The following ING2 variants were observed in gnomAD, a reference collection of about 807,000 sequenced individuals.
ING2 encodes the protein inhibitor of growth protein 2.
A neutral mutation model predicts 30.6 loss-of-function variants in ING2; 7 were observed. The observed-to-expected ratio is 0.23, with a 90% CI of 0.13 to 0.43. The LOEUF (loss-of-function observed/expected upper bound fraction) is 0.43. Among genes scored for constraint, ING2 ranks in the 20% least tolerant of loss-of-function variants. The probability of loss-of-function intolerance (pLI) is 1.00; values close to 1 mark genes in which losing one functional copy is unlikely to be tolerated. For missense variants in ING2, 239 were observed against 334.9 expected, an observed-to-expected ratio of 0.71 and a Z score of 2.24; for synonymous variants, 136 against 121.7, an observed-to-expected ratio of 1.12 and a Z score of -0.78.
rs750244453 is a variant in ING2 at position 183,505,315 on chromosome 4, C to A, written c.120C>A (p.His40Gln). The A allele has an allele frequency of 1.0e-5, 16 of 1,555,562 alleles. No individual in the cohort carries two copies. The South Asian group carries it at 1.8e-4, about 17-fold the overall frequency. Residue 40 changes from histidine to glutamine, a missense_variant, in exon 1 of 2, where the codon CAC (histidine) becomes CAA (glutamine). Around this residue, in one of 5 missense-constraint regions of ING2, gnomAD observed 80 missense variants for 102.4 expected, o/e 0.78. Transcript: ENST00000302327. ...DYLECVESLP[H>Q]DMQRNVSVLR... ...TTGAGTGCGTGGAGTCGCTGCCCCA[C>A]GACATGCAGAGGAACGTGTCTGTGC...
intron 1 of ING2, chr4:183,506,375 T>A (rs935862000): frequency 5.1e-6 from 6 of 1,166,642 alleles, no homozygotes; most frequent in African/African-American, 1.6e-5. Flanking sequence ...GTTGGTTGAC[T>A]GGGCAACCGC....
At chr4:183,509,479 T>C (rs1734760835) in intron 1 of ING2, among the ~76,000 whole-genome samples, 1 of 151,124 alleles carries the variant, frequency 6.6e-6, no homozygotes, top group Non-Finnish European at 1.5e-5. Context: ...GGAGTCTTGC[T>C]CTGTCTCCCA....
At position 183,511,068 on chromosome 4, in the gene ING2, A is replaced by T; in HGVS notation, c.*116A>T. On this transcript the variant is annotated 3_prime_UTR_variant, in exon 2 of 2. Transcript: ENST00000302327. ...GCAATAATTTTTAATCATTAGTATT[A>T]ATGGTGTATTAAAAGTTGTTGTACT... The T allele has an allele frequency of 1.2e-6, 1 of 817,218 alleles. No individual in the cohort carries two copies. The highest frequency in any genetic ancestry group is 2.0e-5 in the South Asian group (1 of 49,374). 50.6% of individuals were successfully genotyped at this position (817,218 alleles called of 1,614,324 possible). A position where few individuals can be genotyped will look rare whatever the true frequency, so the allele number is the denominator to read the frequency against.
chr4:183,506,216 C>T, intron 1 of ING2: 1 of 1,303,686 alleles, frequency 7.7e-7, no homozygotes, highest in Non-Finnish European at 1.0e-6. Flanking sequence ...GAGTCCGAAT[C>T]GGGGTTTGCA....
chr4:183,506,083 T>A, intron 1 of ING2: 1 of 1,176,252 alleles, frequency 8.5e-7, no homozygotes, highest in Non-Finnish European at 1.1e-6. Context: ...ACGAGGGGCG[T>A]GGGAGGGGCG....
chr4:183,508,812 G>C (rs946550795), intron 1 of ING2, among the ~76,000 whole-genome samples: 1 of 152,172 alleles, frequency 6.6e-6, no homozygotes, highest in Non-Finnish European at 1.5e-5. Context: ...AAACGGATTC[G>C]AGCAAAACTA....
Position 183,510,603 on chromosome 4 carries a change from A to T in ING2, c.494A>T (p.His165Leu). 1 of 1,614,126 alleles carries T rather than the reference A, an allele frequency of 6.2e-7. No homozygotes were observed. Among genetic ancestry groups the T allele is most frequent in the South Asian group, 1.1e-5 (1 of 91,076 alleles). Residue 165 changes from histidine (H) to leucine (L), a missense_variant, in exon 2 of 2, where the codon CAC becomes CTC. By Grantham distance (99) the His-to-Leu change is moderately conservative (BLOSUM62 -3). Transcript: ENST00000302327. Reference protein sequence around the residue: ...QRTSESRDLCHMANGIEDCDD... With the variant: ...QRTSESRDLCLMANGIEDCDD... ...ACCAGTGAAAGCCGTGATTTATGTC[A>T]CATGGCAAATGGGATTGAAGACTGT... is the stretch of plus-strand genomic sequence containing the variant.
rs750522025 is a variant in ING2 at position 183,512,177 on chromosome 4, T to G, written c.*1225T>G. Among the ~76,000 whole-genome samples the G allele has an allele frequency of 2.3e-4, 35 of 152,200 alleles. No individual in the cohort carries two copies. Among genetic ancestry groups the G allele is most frequent in the Non-Finnish European group, 4.7e-4 (32 of 68,026 alleles). On this transcript the variant is annotated 3_prime_UTR_variant, in exon 2 of 2. Coordinates refer to ENST00000302327, the MANE Select transcript of ING2 (RefSeq NM_001564.4). ...TGTAACGTATGTTTTATTCCTCATT[T>G]CTTCCTAATCTGATGATCTTGATTC...
chr4:183,506,302 G>A (rs758268167), intron 1 of ING2: 3 of 1,304,204 alleles, frequency 2.3e-6, no homozygotes, highest in South Asian at 1.2e-5. Flanking sequence ...TCGGACCGTC[G>A]CGGATCCTGG....
At position 183,505,373 on chromosome 4, in the gene ING2, A is replaced by C. The variant is rs6552675; in HGVS notation, c.172+6A>C. ...GCTGGACAACAAATATCAAGGTAGGAGCCGCGGGGCTGCCGGCCTCGGGAG... is the reference window on the plus strand; with the variant it reads ...GCTGGACAACAAATATCAAGGTAGGCGCCGCGGGGCTGCCGGCCTCGGGAG... On this transcript the variant is annotated splice_donor_region_variant and intron_variant, in intron 1 of 1. Coordinates refer to ENST00000302327, the MANE Select transcript of ING2 (RefSeq NM_001564.4). 2.6e-6 allele frequency: 4 copies of C among 1,527,066 alleles called. No individual in the cohort carries two copies. The highest frequency in any genetic ancestry group is 2.0e-5 in the Admixed American group (1 of 49,232). 94.6% of individuals were successfully genotyped at this position (1,527,066 alleles called of 1,614,324 possible). A position where few individuals can be genotyped will look rare whatever the true frequency, so the allele number is the denominator to read the frequency against.
intron 1 of ING2, among the ~76,000 whole-genome samples, chr4:183,508,997 G>C (rs143440183): frequency 6.6e-6 from 1 of 152,304 alleles, no homozygotes; most frequent in Non-Finnish European, 1.5e-5. Flanking sequence ...AAGGCAGAAT[G>C]ATCGAGTGCT....
At chr4:183,506,995 G>A (rs886075979) in intron 1 of ING2, among the ~76,000 whole-genome samples, 1 of 152,212 alleles carries the variant, frequency 6.6e-6, no homozygotes, top group African/African-American at 2.4e-5. Context: ...GATTTCTACA[G>A]ATATGGAGCA....
Position 183,510,475 on chromosome 4 carries a change from A to G in ING2, c.366A>G (p.Ser122=). The G allele has an allele frequency of 6.2e-7, 1 of 1,614,188 alleles. No homozygotes were observed. Among genetic ancestry groups the G allele is most frequent in the East Asian group, 2.2e-5 (1 of 44,882 alleles). ...ENRARQMELH[S]QCFQDPAESE... ...GGGCAAGACAAATGGAGTTACACTC[A>G]CAGTGTTTCCAAGATCCTGCTGAAA... The change falls in exon 2 of 2, where the codon TCA becomes TCG. Residue 122 remains serine, a synonymous_variant. Transcript: ENST00000302327.
intron 1 of ING2, among the ~76,000 whole-genome samples, chr4:183,508,274 G>C (rs1734726445): frequency 6.6e-6 from 1 of 151,848 alleles, no homozygotes. Context: ...ATCTATCAAT[G>C]TGCTGGTATG....
At position 183,512,277 on chromosome 4, in the gene ING2, T is replaced by G. The variant is rs969012874; in HGVS notation, c.*1325T>G. 6.6e-6 allele frequency among the ~76,000 whole-genome samples: 1 copy of G among 152,190 alleles called. No individual in the cohort carries two copies. The highest frequency in any genetic ancestry group is 1.5e-5 in the Non-Finnish European group (1 of 68,030). On this transcript the variant is annotated 3_prime_UTR_variant, in exon 2 of 2. Transcript: ENST00000302327. ...TGCTTTTTTTCTCTTCTAGCTCTCC[T>G]GTGTGACTTTTAGGCATGTCATTTC...
At chr4:183,505,429 C>A (rs1369135117) in intron 1 of ING2, 62 bp downstream of exon 1, 11 of 1,404,230 alleles carry the variant, frequency 7.8e-6, no homozygotes, top group Admixed American at 4.5e-5. Context: ...CGGGGGAGTG[C>A]CACCTTCCCT....
intron 1 of ING2, among the ~76,000 whole-genome samples, chr4:183,509,702 T>C (rs1734769219): frequency 1.3e-5 from 2 of 149,876 alleles, no homozygotes; most frequent in Admixed American, 1.3e-4. Flanking sequence ...CCCAAAGTGC[T>C]GGGATTACAA....
chr4:183,505,919 G>C (rs947102430), intron 1 of ING2, among the ~76,000 whole-genome samples: 1 of 152,080 alleles, frequency 6.6e-6, no homozygotes, highest in African/African-American at 2.4e-5. Flanking sequence ...CCGCTCTCTC[G>C]CCCCGGGAAA....
chr4:183,506,249 C>T (rs1031347396), intron 1 of ING2: 2 of 1,304,192 alleles, frequency 1.5e-6, no homozygotes, highest in African/African-American at 3.0e-5. Context: ...GTGATGTTTC[C>T]AACCTCTTTC....
Sources: allele counts gnomAD v4.1 joint callset (sites outside exome capture counted in the v4.1 genomes callset), GRCh38; gene constraint gnomAD v4.1.1; regional missense constraint gnomAD v4.1.1; transcripts MANE v1.5; gene names NCBI Gene and HGNC (gene_info 2026-07-23, HGNC 2026-07-21).